The following NRXN3 variants were observed in gnomAD, a reference collection of about 807,000 sequenced individuals.
NRXN3 encodes the protein neurexin 3.
In NRXN3, 32 loss-of-function variants were observed where a neutral mutation model predicts 137.6. The ratio of observed to expected loss-of-function variants is 0.23; its 90% confidence interval spans 0.18 to 0.31. The LOEUF (loss-of-function observed/expected upper bound fraction) is 0.31, where lower values mean the gene tolerates loss of function less well. Ranked by LOEUF, NRXN3 falls within the 10% of genes least tolerant of loss-of-function variation. NRXN3 has a pLI of 1.00. For missense variants in NRXN3, 1,574 were observed against 2,062.5 expected (o/e 0.76, Z 4.59); for synonymous variants, 798 against 784.5 (o/e 1.02, Z -0.29).
At position 79,460,489 on chromosome 14, in the gene NRXN3, A is replaced by G. The variant is rs574083061; in HGVS notation, c.3263-6732A>G. Among the ~76,000 whole-genome samples the G allele has an allele frequency of 4.6e-5, 7 of 152,232 alleles. No homozygotes were observed. The East Asian group carries it at 1.4e-3, about 29-fold the overall frequency. ...TGGAGACTTTGGCATCGGGCAGAAA[A>G]AGGGTCTCACTCTGCACACCAATTT... On this transcript the variant is annotated intron_variant, in intron 15 of 20. Transcript: ENST00000335750.
At chr14:78,339,679 A>T (rs1414497238) in intron 4 of NRXN3, among the ~76,000 whole-genome samples, 1 of 152,174 alleles carries the variant, frequency 6.6e-6, no homozygotes. Context: ...CTCTGTACAC[A>T]TGTGGACCCT....
At chr14:78,712,463 A>T (rs1202761099) in intron 7 of NRXN3, among the ~76,000 whole-genome samples, 2 of 152,238 alleles carry the variant, frequency 1.3e-5, no homozygotes, top group East Asian at 3.8e-4. Context: ...TCTAGGAGGG[A>T]GTAGTGAAGC....
intron 19 of NRXN3, among the ~76,000 whole-genome samples, chr14:79,702,153 A>G (rs1030325993): frequency 2.6e-5 from 4 of 152,004 alleles, no homozygotes; most frequent in African/African-American, 7.2e-5. Flanking sequence ...AATTTCTATG[A>G]TCTCAGGAAC....
chr14:78,193,662 T>C (rs2060949029), intron 1 of NRXN3, among the ~76,000 whole-genome samples: 1 of 150,206 alleles, frequency 6.7e-6, no homozygotes, highest in South Asian at 2.1e-4. Context: ...CTCAGGAGGC[T>C]GAGGCATGAT....
At chr14:79,495,153 G>T (rs2153662740) in intron 16 of NRXN3, among the ~76,000 whole-genome samples, 1 of 152,246 alleles carries the variant, frequency 6.6e-6, no homozygotes, top group African/African-American at 2.4e-5. Flanking sequence ...TGAGGCTGGA[G>T]GGCCAGGGTA....
At chr14:78,998,455 A>G (rs145612089) in intron 15 of NRXN3, among the ~76,000 whole-genome samples, 2,070 of 152,324 alleles carry the variant, frequency 0.014, 51 homozygotes, top group African/African-American at 0.047. Context: ...CTTCAACTCC[A>G]GTGATAATCC....
At chr14:78,634,299 G>A (rs2097548249) in intron 4 of NRXN3, among the ~76,000 whole-genome samples, 1 of 152,212 alleles carries the variant, frequency 6.6e-6, no homozygotes, top group Non-Finnish European at 1.5e-5. Flanking sequence ...GGGGCAGGAG[G>A]AGGAATTGGC....
At chr14:78,534,928 T>G (rs1297820670) in intron 4 of NRXN3, among the ~76,000 whole-genome samples, 3 of 152,200 alleles carry the variant, frequency 2.0e-5, no homozygotes, top group Non-Finnish European at 4.4e-5. Flanking sequence ...TAGTTTCACT[T>G]TTAAAATTGG....
At chr14:78,656,082 T>C (rs1347110871) in intron 6 of NRXN3, among the ~76,000 whole-genome samples, 2 of 152,144 alleles carry the variant, frequency 1.3e-5, no homozygotes, top group African/African-American at 2.4e-5. Context: ...AAATGAACTT[T>C]GGAGAACACA....
chr14:78,534,591 CT>C (rs1223617145), intron 4 of NRXN3, among the ~76,000 whole-genome samples: 1 of 152,080 alleles, frequency 6.6e-6, no homozygotes, highest in Non-Finnish European at 1.5e-5. Context: ...TTTCTAGATC[CT>C]TTTTTGCTCA....
intron 15 of NRXN3, among the ~76,000 whole-genome samples, chr14:79,419,486 A>G (rs1567073625): frequency 6.6e-6 from 1 of 152,206 alleles, no homozygotes; most frequent in Non-Finnish European, 1.5e-5. Context: ...TATAAATTGA[A>G]TAAGTGCAAA....
At position 78,981,008 on chromosome 14, in the gene NRXN3, T is replaced by TA. The variant is rs139685684; in HGVS notation, c.3143-7007dup. 8.7e-3 allele frequency among the ~76,000 whole-genome samples: 1,319 copies of TA among 152,166 alleles called. 14 individuals carry two copies. The highest frequency in any genetic ancestry group is 0.03 in the African/African-American group (1,236 of 41,512). ...TATTAATAATTAATAATGACAATGA[T>TA]AAAAAAAGACTTCATAAATATGTAA... On this transcript the variant is annotated intron_variant, in intron 14 of 20. Transcript: ENST00000335750.
chr14:79,364,673 C>CAG (rs3036674), intron 15 of NRXN3, among the ~76,000 whole-genome samples: 141,125 of 152,212 alleles, frequency 0.93, 65,693 homozygotes, highest in African/African-American at 0.97. Context: ...AAAAATGAAA[C>CAG]AAAATAAATG....
At chr14:79,624,970 ATT>A (rs953870046) in intron 16 of NRXN3, among the ~76,000 whole-genome samples, 9 of 151,704 alleles carry the variant, frequency 5.9e-5, no homozygotes, top group South Asian at 2.1e-4. Flanking sequence ...CACCTGGCTA[ATT>A]GTTTGTTGTA....
chr14:78,745,604 C>T (rs1407190752), intron 8 of NRXN3, among the ~76,000 whole-genome samples: 5 of 152,124 alleles, frequency 3.3e-5, no homozygotes, highest in East Asian at 1.9e-4. Flanking sequence ...TGGTCCTTTG[C>T]GTTTGCCTCT....
chr14:79,169,245 C>T (rs1186644165), intron 15 of NRXN3, among the ~76,000 whole-genome samples: 2 of 152,112 alleles, frequency 1.3e-5, no homozygotes, highest in African/African-American at 4.8e-5. Context: ...CAGAATGCTA[C>T]ATGCTCCCAG....
intron 19 of NRXN3, among the ~76,000 whole-genome samples, chr14:79,801,540 G>A (rs889001591): frequency 1.3e-5 from 2 of 150,952 alleles, no homozygotes; most frequent in Non-Finnish European, 2.9e-5. Context: ...ACTAAGTGAC[G>A]TGTGTGCACG....
In NRXN3 at chr14:78,326,926, C is replaced by CAA. The variant is rs35177007; in HGVS notation, c.757+29082_757+29083dup. Among the ~76,000 whole-genome samples, 706 of 118,162 alleles carry CAA rather than the reference C, an allele frequency of 6.0e-3. 18 individuals are homozygous for CAA. Among genetic ancestry groups the CAA allele is most frequent in the Middle Eastern group, 4.4e-3 (1 of 226 alleles). The allele number at this position is 118,162 out of a possible 152,430, so 77.5% of individuals were successfully genotyped here. ...TCACTGTGTTGCCTTGAGTGAGTTA[C>CAA]AAAAAAAAAAAAAAAAATCTCTCTG... On this transcript the variant is annotated intron_variant, in intron 4 of 20. Transcript: ENST00000335750.
chr14:79,562,211 A>T (rs2153780014), intron 16 of NRXN3, among the ~76,000 whole-genome samples: 3 of 152,278 alleles, frequency 2.0e-5, no homozygotes, highest in Middle Eastern at 6.8e-3. Flanking sequence ...TTGGACATAA[A>T]ACCCAGGTAT....
Sources: allele counts gnomAD v4.1 joint callset (sites outside exome capture counted in the v4.1 genomes callset), GRCh38; gene constraint gnomAD v4.1.1; transcripts MANE v1.5; gene names NCBI Gene and HGNC (gene_info 2026-07-23, HGNC 2026-07-21).